CCDC68: variants seen among roughly 807,000 people sequenced by gnomAD.
The protein encoded by CCDC68 is coiled-coil domain-containing protein 68.
CCDC68 carries 45 observed loss-of-function variants against 47.1 expected under a neutral mutation model. The ratio of observed to expected loss-of-function variants is 0.96; its 90% CI spans 0.75 to 1.23. The LOEUF (loss-of-function observed/expected upper bound fraction) is 1.23. Among genes scored for constraint, CCDC68 ranks in the 50% most tolerant of loss-of-function variants. CCDC68 has a pLI of 0.00. For synonymous variants in CCDC68, 131 were observed against 129.5 expected (o/e 1.01, Z -0.08); for missense variants, 353 against 373.6 (o/e 0.94, Z 0.45).
chr18:54,925,856 C>T (rs1023717721), intron 8 of CCDC68, among the ~76,000 whole-genome samples: 3 of 152,156 alleles, frequency 2.0e-5, no homozygotes, highest in Admixed American at 6.5e-5. Context: ...CCTTACCATT[C>T]CCAGGCCAGA....
At chr18:54,936,743 T>C in intron 6 of CCDC68, 90 bp downstream of exon 6, 3 of 1,520,590 alleles carry the variant, frequency 2.0e-6, no homozygotes, top group Non-Finnish European at 2.7e-6. Context: ...TGGCCATTGC[T>C]TGTTTCATTT....
rs1914105752 is a variant in CCDC68 at position 54,907,840 on chromosome 18, A to G, written c.896T>C (p.Val299Ala). Residue 299 changes from valine (V) to alanine (A), a missense_variant, in exon 11 of 12, where the codon GTA (valine) becomes GCA (alanine). Val to Ala is a moderately conservative substitution (Grantham distance 64). Coordinates refer to ENST00000591504, the MANE Select transcript of CCDC68 (RefSeq NM_025214.3). ...EAQNKELKTQ[V>A]ALSSETPRTK... is the part of the protein sequence containing the mutation. ...CCTAGGAGTTTCAGATGAAAGTGCTACCTGGGTTTTTAGTTCTTTATTCTA... is the reference window on the plus strand; with the variant it reads ...CCTAGGAGTTTCAGATGAAAGTGCTGCCTGGGTTTTTAGTTCTTTATTCTA... 2 of 1,607,368 alleles carry G rather than the reference A, an allele frequency of 1.2e-6. No individual in the cohort carries two copies. The highest frequency in any genetic ancestry group is 1.7e-6 in the Non-Finnish European group (2 of 1,173,910).
At chr18:54,931,828 T>C (rs1395193021) in intron 7 of CCDC68, among the ~76,000 whole-genome samples, 1 of 152,210 alleles carries the variant, frequency 6.6e-6, no homozygotes, top group Non-Finnish European at 1.5e-5. Context: ...TTAAGTAATA[T>C]GTTCATTACC....
intron 7 of CCDC68, among the ~76,000 whole-genome samples, chr18:54,931,672 A>T (rs1271529878): frequency 6.6e-6 from 1 of 152,202 alleles, no homozygotes; most frequent in Non-Finnish European, 1.5e-5. Flanking sequence ...GAAAACAAAT[A>T]TGATGTAACA....
intron 1 of CCDC68, among the ~76,000 whole-genome samples, chr18:54,952,949 G>C (rs2044643566): frequency 6.6e-6 from 1 of 152,074 alleles, no homozygotes. Context: ...GGAGGCAGAG[G>C]TTGCAATGAG....
chr18:54,947,359 C>G (rs1170441269), intron 1 of CCDC68, among the ~76,000 whole-genome samples: 2 of 152,152 alleles, frequency 1.3e-5, no homozygotes, highest in Admixed American at 1.3e-4. Context: ...AGGGCTCTGC[C>G]ACCTCAACTT....
intron 2 of CCDC68, among the ~76,000 whole-genome samples, chr18:54,943,781 A>G (rs1248183786): frequency 3.3e-5 from 5 of 152,236 alleles, no homozygotes; most frequent in Non-Finnish European, 5.9e-5. Context: ...AATAAAGCCA[A>G]CAGGTAATTG....
chr18:54,918,028 T>C lies in CCDC68; in HGVS notation c.790-32A>G, dbSNP rs1203451395. 4.3e-6 allele frequency: 4 copies of C among 926,730 alleles called. 1 individual carries two copies. The East Asian group carries it at 1.1e-4, about 24-fold the overall frequency. 57.4% of individuals were successfully genotyped at this position (926,730 alleles called of 1,614,324 possible). A position where few individuals can be genotyped will look rare whatever the true frequency, so the allele number is the denominator to read the frequency against. On this transcript the variant is annotated intron_variant, in intron 9 of 11. Transcript: ENST00000591504. ...ATTAGAAAACACAATAGGAAAAACC[T>C]TGTCAGACCACAGGAAATAGTTACT...
intron 8 of CCDC68, among the ~76,000 whole-genome samples, chr18:54,924,301 A>C (rs901977824): frequency 6.6e-6 from 1 of 152,084 alleles, no homozygotes; most frequent in African/African-American, 2.4e-5. Flanking sequence ...AAAAAAAAAC[A>C]CAAGAAGACT....
At chr18:54,904,497 A>G in intron 11 of CCDC68, 82 bp from the exon 12 acceptor site, 1 of 1,073,394 alleles carries the variant, frequency 9.3e-7, no homozygotes, top group Non-Finnish European at 1.4e-6. Context: ...CTCAACTACC[A>G]CAATACTATT....
intron 1 of CCDC68, among the ~76,000 whole-genome samples, chr18:54,957,016 T>C (rs188128450): frequency 7.5e-4 from 115 of 152,342 alleles, no homozygotes; most frequent in African/African-American, 2.7e-3. Flanking sequence ...TGTAGTCTTA[T>C]TTTTCTAATT....
At chr18:54,904,791 C>T (rs941986400) in intron 11 of CCDC68, among the ~76,000 whole-genome samples, 3 of 152,126 alleles carry the variant, frequency 2.0e-5, no homozygotes, top group Non-Finnish European at 4.4e-5. Context: ...ATGCATTTTG[C>T]ATAGCCTGAA....
chr18:54,910,567 T>C (rs1402152631), intron 10 of CCDC68, among the ~76,000 whole-genome samples: 2 of 152,186 alleles, frequency 1.3e-5, no homozygotes, highest in African/African-American at 4.8e-5. Context: ...CTTCCTGTCC[T>C]GAAGGTGAGG....
intron 1 of CCDC68, among the ~76,000 whole-genome samples, chr18:54,949,022 C>T (rs2044571332): frequency 6.6e-6 from 1 of 152,164 alleles, no homozygotes; most frequent in Non-Finnish European, 1.5e-5. Context: ...GACAAGGTCT[C>T]TCACTCTCTT....
chr18:54,917,820 C>A, intron 10 of CCDC68, 93 bp downstream of exon 10: 1 of 741,192 alleles, frequency 1.3e-6, no homozygotes, highest in South Asian at 1.6e-5. Flanking sequence ...CTCACTGATA[C>A]TGATACCCTC....
chr18:54,944,548 G>A (rs979604375), intron 2 of CCDC68, among the ~76,000 whole-genome samples: 47 of 152,100 alleles, frequency 3.1e-4, no homozygotes, highest in African/African-American at 1.1e-3. Flanking sequence ...AGAAAAACCC[G>A]CAACAACCAC....
intron 8 of CCDC68, among the ~76,000 whole-genome samples, chr18:54,926,573 T>G (rs1301894788): frequency 1.3e-5 from 2 of 152,316 alleles, no homozygotes; most frequent in South Asian, 4.1e-4. Flanking sequence ...CCAAATATGT[T>G]TCCCCAAAAG....
chr18:54,906,391 A>G (rs1238559871), intron 11 of CCDC68, among the ~76,000 whole-genome samples: 1 of 152,228 alleles, frequency 6.6e-6, no homozygotes, highest in Non-Finnish European at 1.5e-5. Context: ...ACTAATTAAT[A>G]GCTGTAGCTA....
At position 54,940,985 on chromosome 18, in the gene CCDC68, G is replaced by A. The variant is rs369346519; in HGVS notation, c.204+12C>T. 11 of 1,576,412 alleles carry A rather than the reference G, an allele frequency of 7.0e-6. No homozygotes were observed. Among genetic ancestry groups the A allele is most frequent in the Non-Finnish European group, 8.7e-6 (10 of 1,149,112 alleles). The stretch of plus-strand genomic sequence containing the variant: ...AATGGCTTTATGCTAATCTTCTGCA[G>A]GAAATTATTACCTTTGCATCTAGTT... On this transcript the variant is annotated intron_variant, in intron 4 of 11. Coordinates refer to ENST00000591504, the MANE Select transcript of CCDC68 (RefSeq NM_025214.3).
Sources: gnomAD v4.1 joint callset for allele counts (sites outside exome capture counted in the v4.1 genomes callset) on GRCh38, gnomAD v4.1.1 for gene constraint, MANE v1.5 for transcripts, NCBI Gene and HGNC (gene_info 2026-07-23, HGNC 2026-07-21) for gene names.